Variants in VPS29 observed in about 807,000 individuals in gnomAD.
The protein encoded by VPS29 is VPS29 retromer complex component.
A neutral mutation model predicts 20.0 loss-of-function variants in VPS29; 2 were observed. That is an observed-to-expected ratio of 0.10 (90% CI 0.04 to 0.31). VPS29 has a LOEUF of 0.31. Among genes scored for constraint, VPS29 ranks in the 10% least tolerant of loss-of-function variants. The pLI is 1.00. For synonymous variants in VPS29, 81 were observed against 79.3 expected (o/e 1.02, Z -0.12); for missense variants, 120 against 215.3 (o/e 0.56, Z 2.77).
At position 110,493,154 on chromosome 12, in the gene VPS29, A is replaced by C; in HGVS notation, c.273T>G (p.Ile91Met). The change falls in exon 3 of 4, where the codon ATT becomes ATG. Residue 91 changes from isoleucine (I) to methionine (M), a missense_variant. Ile to Met is a conservative substitution (Grantham distance 10). Coordinates refer to ENST00000549578, the MANE Select transcript of VPS29 (RefSeq NM_016226.5). ...KIGLIHGHQV[I>M]PWGDMASLAL... ...CTAAGCTGGCCATATCTCCCCATGG[A>C]ATAACTTGATGTCCATGGATCAGAC... 6.2e-7 allele frequency: 1 copy of C among 1,613,152 alleles called. No individual in the cohort carries two copies. The highest frequency in any genetic ancestry group is 1.1e-5 in the South Asian group (1 of 90,784).
At chr12:110,501,310 G>C in intron 1 of VPS29, 2 of 1,424,486 alleles carry the variant, frequency 1.4e-6, no homozygotes, top group South Asian at 1.3e-5. Flanking sequence ...GTGGCTGGGG[G>C]AGACTAGGTA....
intron 1 of VPS29, chr12:110,499,281 G>A (rs2062956117): frequency 2.4e-6 from 1 of 423,968 alleles, no homozygotes; most frequent in Non-Finnish European, 4.2e-6. Context: ...CATAACACGT[G>A]TCATACTTTG....
rs2062923445 is a variant in VPS29, at chr12:110,497,251, CTG to C, written c.4-1050_4-1049del. Among the ~76,000 whole-genome samples, 3 of 108,794 alleles carry C rather than the reference CTG, an allele frequency of 2.8e-5. No individual in the cohort carries two copies. In the South Asian group the frequency reaches 9.4e-4, roughly 34 times the overall value. 71.4% of individuals were successfully genotyped at this position (108,794 alleles called of 152,430 possible). On this transcript the variant is annotated intron_variant, in intron 1 of 3. Transcript: ENST00000549578. ...TTTTTTTTTGAGACGGAGTCTCACT[CTG>C]TCGCCCAGGCTGGAGTGCAGTGGTG...
In VPS29 at chr12:110,493,172, G is replaced by A; in HGVS notation, c.255C>T (p.Ile85=). The part of the protein sequence containing the change: ...VTVGQFKIGL[I]HGHQVIPWGD... ...CCCATGGAATAACTTGATGTCCATG[G>A]ATCAGACCAATTTTGAACTGTCCAA... is the stretch of plus-strand genomic sequence containing the variant. Residue 85 remains isoleucine (I), a synonymous_variant, in exon 3 of 4, where the codon ATC becomes ATT. Transcript: ENST00000549578. The A allele has an allele frequency of 1.9e-6, 3 of 1,609,336 alleles. No homozygotes were observed. The highest frequency in any genetic ancestry group is 2.5e-6 in the Non-Finnish European group (3 of 1,177,832).
At chr12:110,492,164 AGC>A in intron 3 of VPS29, 42 bp from the exon 4 acceptor site, 3 of 1,430,764 alleles carry the variant, frequency 2.1e-6, no homozygotes, top group Non-Finnish European at 2.9e-6. Flanking sequence ...TGTAGCACAA[AGC>A]AGCAGCACTA....
At position 110,496,325 on chromosome 12, in the gene VPS29, AG is replaced by A. The variant is rs1392910999; in HGVS notation, c.4-123del. The A allele has an allele frequency of 1.2e-5, 10 of 843,354 alleles. No homozygotes were observed. In the African/African-American group the frequency reaches 1.5e-4, roughly 13 times the overall value. The allele number at this position is 843,354 out of a possible 1,614,324, so 52.2% of individuals were successfully genotyped here. ...ATCCCGAATCCCAGAAATTATTCAT[AG>A]GGTTCCTATCATGACTATTTATTTA... On this transcript the variant is annotated intron_variant, in intron 1 of 3. Transcript: ENST00000549578.
rs1032840759 is a variant in VPS29 at position 110,492,892 on chromosome 12, T to C, written c.431+104A>G. 10 of 1,039,440 alleles carry C rather than the reference T, an allele frequency of 9.6e-6. No homozygotes were observed. In the African/African-American group the frequency reaches 1.6e-4, roughly 17 times the overall value. 64.4% of individuals were successfully genotyped at this position (1,039,440 alleles called of 1,614,324 possible). On this transcript the variant is annotated intron_variant, in intron 3 of 3. Coordinates refer to ENST00000549578, the MANE Select transcript of VPS29 (RefSeq NM_016226.5). Reference sequence around the variant, plus strand: ...GCCCTGGTCTCCCGAAGTGCTGGTATTACAGGCATGAGCCACTGTGCCCAG... The same window carrying C: ...GCCCTGGTCTCCCGAAGTGCTGGTACTACAGGCATGAGCCACTGTGCCCAG...
rs2062816023 is a variant in VPS29, at chr12:110,491,389, T to A, written c.*616A>T. On this transcript the variant is annotated 3_prime_UTR_variant, in exon 4 of 4. Coordinates refer to ENST00000549578, the MANE Select transcript of VPS29 (RefSeq NM_016226.5). ...ACTGTGCCCGGCCCCTAAACTTGTA[T>A]TTTTAAAACTTTTATTAAACCTTGA... 6.6e-6 allele frequency: 1 copy of A among 152,340 alleles called. No homozygotes were observed. Among genetic ancestry groups the A allele is most frequent in the East Asian group, 1.9e-4 (1 of 5,222 alleles). 9.4% of individuals were successfully genotyped at this position (152,340 alleles called of 1,614,324 possible). A position where few individuals can be genotyped will look rare whatever the true frequency, so the allele number is the denominator to read the frequency against.
chr12:110,492,324 C>T (rs2135565133), intron 3 of VPS29, among the ~76,000 whole-genome samples: 1 of 152,234 alleles, frequency 6.6e-6, no homozygotes, highest in African/African-American at 2.4e-5. Context: ...AATCCCAGCA[C>T]TTTGGGAGGC....
In VPS29 at chr12:110,493,079, T is replaced by G; in HGVS notation, c.348A>C (p.Thr116=). Residue 116 remains threonine (T), a synonymous_variant, in exon 3 of 4, where the codon ACA becomes ACC. Transcript: ENST00000549578. ...FDVDILISGH[T]HKFEAFEHEN... is the part of the protein sequence containing the mutation. Reference sequence around the variant, plus strand: ...CATGCTCAAATGCTTCAAATTTGTGTGTGTGTCCCGAGATAAGAATGTCCA... The same window carrying G: ...CATGCTCAAATGCTTCAAATTTGTGGGTGTGTCCCGAGATAAGAATGTCCA... The G allele has an allele frequency of 6.2e-7, 1 of 1,614,108 alleles. No homozygotes were observed. Among genetic ancestry groups the G allele is most frequent in the South Asian group, 1.1e-5 (1 of 91,058 alleles).
intron 1 of VPS29, among the ~76,000 whole-genome samples, chr12:110,499,859 ATC>A (rs1474735458): frequency 1.3e-5 from 2 of 152,150 alleles, no homozygotes; most frequent in South Asian, 2.1e-4. Context: ...ATCGACTTCC[ATC>A]TCTGTTTTCC....
rs754751554 is a variant in VPS29, at chr12:110,502,016, C to T, written c.3+33G>A. Reference sequence around the variant, plus strand: ...AACAACGCAGCACCCCACCCGAGAGCCAGGCCTTGGTCGCCGCAACTGCAG... The same window carrying T: ...AACAACGCAGCACCCCACCCGAGAGTCAGGCCTTGGTCGCCGCAACTGCAG... On this transcript the variant is annotated intron_variant, in intron 1 of 3. Coordinates refer to ENST00000549578, the MANE Select transcript of VPS29 (RefSeq NM_016226.5). The T allele has an allele frequency of 5.0e-6, 8 of 1,613,194 alleles. No homozygotes were observed. The East Asian group carries it at 1.3e-4, about 27-fold the overall frequency.
chr12:110,501,515 C>G, intron 1 of VPS29: 12 of 1,535,424 alleles, frequency 7.8e-6, no homozygotes, highest in Non-Finnish European at 1.0e-5. Flanking sequence ...TCAATGGCAG[C>G]TAGATGTTAT....
chr12:110,499,669 T>C, intron 1 of VPS29: 1 of 696,848 alleles, frequency 1.4e-6, no homozygotes, highest in Non-Finnish European at 2.4e-6. Flanking sequence ...AAAAAACCCA[T>C]ACCAAATGAG....
Position 110,492,022 on chromosome 12 carries a change from C to T in VPS29, c.532G>A (p.Glu178Lys). The T allele has an allele frequency of 3.7e-6, 6 of 1,613,294 alleles. No individual in the cohort carries two copies. The highest frequency in any genetic ancestry group is 3.4e-6 in the Non-Finnish European group (4 of 1,179,786). The change falls in exon 4 of 4, where the codon GAA becomes AAA. Residue 178 changes from glutamate (E) to lysine (K), a missense_variant. Glu to Lys is a moderately conservative substitution (Grantham distance 56). Coordinates refer to ENST00000549578, the MANE Select transcript of VPS29 (RefSeq NM_016226.5). Reference sequence around the variant, plus strand: ...GCCTGGCTTTAAGGTTTTTTGTATTCGATTCGTTCTACTTTCACATCATCT... The same window carrying T: ...GCCTGGCTTTAAGGTTTTTTGTATTTGATTCGTTCTACTTTCACATCATCT... ...IGDDVKVERIEYKKP is the reference protein window; with the variant it reads ...IGDDVKVERIKYKKP
Position 110,493,037 on chromosome 12 carries a change from A to T in VPS29, c.390T>A (p.Ile130=), listed in dbSNP as rs1409793452. The change falls in exon 3 of 4, where the codon ATT becomes ATA. Residue 130 remains isoleucine, a synonymous_variant. Transcript: ENST00000549578. ...ATGCCCCAGTGGCAGAACCTGGATT[A>T]ATGTAGAATTTATTTTCATGCTCAA... ...EAFEHENKFY[I]NPGSATGAYN... 1.9e-6 allele frequency: 3 copies of T among 1,613,890 alleles called. No homozygotes were observed. The South Asian group carries it at 3.3e-5, about 18-fold the overall frequency.
chr12:110,492,795 A>G, intron 3 of VPS29: 1 of 480,976 alleles, frequency 2.1e-6, no homozygotes, highest in South Asian at 2.8e-5. Context: ...CTAATTTTTA[A>G]AATTTTTTTG....
chr12:110,497,086 A>T (rs542927013), intron 1 of VPS29: 1 of 152,282 alleles, frequency 6.6e-6, no homozygotes, highest in African/African-American at 2.4e-5. Context: ...ATAAGTGATA[A>T]ATTTAGCATA....
intron 3 of VPS29, 73 bp from the exon 4 acceptor site, chr12:110,492,195 G>T: frequency 2.6e-6 from 3 of 1,152,856 alleles, no homozygotes; most frequent in South Asian, 1.3e-5. Context: ...AATTTAAGAT[G>T]ACTATTTGGA....
Sources: allele counts gnomAD v4.1 joint callset (sites outside exome capture counted in the v4.1 genomes callset), GRCh38; gene constraint gnomAD v4.1.1; transcripts MANE v1.5; gene names NCBI Gene and HGNC (gene_info 2026-07-23, HGNC 2026-07-21).